Variants in PHKA1 observed in about 807,000 individuals in gnomAD.
The protein encoded by PHKA1 is phosphorylase b kinase regulatory subunit alpha, skeletal muscle isoform.
In PHKA1, 60 loss-of-function variants were observed where a neutral mutation model predicts 110.2. The ratio of observed to expected loss-of-function variants is 0.54; its 90% CI spans 0.44 to 0.68. PHKA1 has a LOEUF of 0.68. Ranked by LOEUF, PHKA1 falls within the 30% of genes least tolerant of loss-of-function variation. PHKA1 has a pLI of 0.00. For synonymous variants in PHKA1, 316 were observed against 333.6 expected, an observed-to-expected ratio of 0.95 and a Z score of 0.58; for missense variants, 801 against 942.5, an observed-to-expected ratio of 0.85 and a Z score of 1.97.
Position 72,652,559 on chromosome X carries a change from T to G in PHKA1, c.1230A>C (p.Gly410=), listed in dbSNP as rs1556299496. The G allele has an allele frequency of 8.6e-7, 1 of 1,162,225 alleles. No individual in the cohort carries two copies. Residue 410 remains glycine (G), a synonymous_variant, in exon 12 of 32, where the codon GGA becomes GGC. Transcript: ENST00000373542. ...HMWGQSLYIL[G]SLMAEGFLAP... is the part of the protein sequence containing the mutation. Reference sequence around the variant, plus strand: ...TTCCTCTTACCTCTGCCATCAAGCTTCCTAAAATGTATAGAGACTGACCCC... The same window carrying G: ...TTCCTCTTACCTCTGCCATCAAGCTGCCTAAAATGTATAGAGACTGACCCC...
At chrX:72,612,870 A>C (rs1329124658) in intron 21 of PHKA1, among the ~76,000 whole-genome samples, 1 of 111,737 alleles carries the variant, frequency 8.9e-6, no homozygotes, top group East Asian at 2.8e-4. Context: ...TATACAAAGT[A>C]ATAGAGCTCC....
At chrX:72,678,323 C>A (rs2053804604) in intron 5 of PHKA1, among the ~76,000 whole-genome samples, 1 of 111,366 alleles carries the variant, frequency 9.0e-6, no homozygotes, top group Admixed American at 9.5e-5. Context: ...TATGTGCATA[C>A]ACACAAACAC....
chrX:72,591,864 A>T (rs1346228110), intron 29 of PHKA1, among the ~76,000 whole-genome samples: 1 of 112,461 alleles, frequency 8.9e-6, no homozygotes, highest in African/African-American at 3.2e-5. Context: ...CTTTTCTTTG[A>T]ACATAAAGTC....
At chrX:72,684,222 A>G (rs1463293159) in intron 5 of PHKA1, among the ~76,000 whole-genome samples, 4 of 111,891 alleles carry the variant, frequency 3.6e-5, no homozygotes, top group Admixed American at 1.9e-4. Flanking sequence ...TAAGACCACA[A>G]TTTAGCCCAG....
chrX:72,710,131 C>T (rs2054349525), intron 2 of PHKA1, among the ~76,000 whole-genome samples: 1 of 109,331 alleles, frequency 9.1e-6, no homozygotes, highest in Non-Finnish European at 1.9e-5. Flanking sequence ...TAGCCCATTG[C>T]TATTTTTATG....
intron 5 of PHKA1, 27 bp from the exon 6 acceptor site, chrX:72,676,177 T>C (rs782590023): frequency 9.1e-7 from 1 of 1,097,303 alleles, no homozygotes; most frequent in South Asian, 1.9e-5. Context: ...AATATACAAT[T>C]AGCAAGTCAT....
At chrX:72,684,390 T>G (rs781931649) in intron 5 of PHKA1, 108 bp downstream of exon 5, 2 of 538,695 alleles carry the variant, frequency 3.7e-6, no homozygotes, top group Non-Finnish European at 6.5e-6. Flanking sequence ...AGAAGCCTTT[T>G]AGGTTGGTTC....
At chrX:72,625,066 A>G (rs1233844950) in intron 17 of PHKA1, among the ~76,000 whole-genome samples, 1 of 111,927 alleles carries the variant, frequency 8.9e-6, no homozygotes, top group African/African-American at 3.3e-5. Context: ...TAATTGGGTA[A>G]CTGTTCTTAT....
chrX:72,670,123 G>C (rs938227990), intron 6 of PHKA1, among the ~76,000 whole-genome samples: 3 of 111,964 alleles, frequency 2.7e-5, no homozygotes, highest in Non-Finnish European at 5.6e-5. Flanking sequence ...GCATTTCTCT[G>C]ATGGCCAGTG....
chrX:72,642,901 T>C (rs1205552543), intron 14 of PHKA1, among the ~76,000 whole-genome samples: 1 of 112,000 alleles, frequency 8.9e-6, no homozygotes, highest in Non-Finnish European at 1.9e-5. Context: ...ATTCTAATCA[T>C]GTTATATTTG....
At chrX:72,612,494 G>T (rs1383555979) in intron 21 of PHKA1, among the ~76,000 whole-genome samples, 4 of 112,062 alleles carry the variant, frequency 3.6e-5, no homozygotes, top group Non-Finnish European at 1.9e-5. Context: ...TCGAGTTCTG[G>T]TTTACTTGCA....
At chrX:72,618,616 G>T (rs1406208046) in intron 21 of PHKA1, 94 bp downstream of exon 21, 7 of 737,053 alleles carry the variant, frequency 9.5e-6, no homozygotes, top group Non-Finnish European at 1.5e-5. Context: ...TTCAATTCCA[G>T]ATCAGCGAAA....
chrX:72,704,592 T>C (rs1254511569), intron 3 of PHKA1, among the ~76,000 whole-genome samples: 1 of 110,332 alleles, frequency 9.1e-6, no homozygotes, highest in Non-Finnish European at 1.9e-5. Context: ...TGTGTGTGTG[T>C]GCATTTTGTT....
At chrX:72,612,786 G>A (rs1556262804) in intron 21 of PHKA1, among the ~76,000 whole-genome samples, 1 of 111,960 alleles carries the variant, frequency 8.9e-6, no homozygotes, top group Non-Finnish European at 1.9e-5. Flanking sequence ...GATGAGTTCT[G>A]TGTTCCCTTC....
At chrX:72,606,395 C>T (rs1179173632) in intron 23 of PHKA1, among the ~76,000 whole-genome samples, 1 of 110,257 alleles carries the variant, frequency 9.1e-6, no homozygotes, top group Non-Finnish European at 1.9e-5. Context: ...CACACATCCT[C>T]ACACACTTCT....
intron 5 of PHKA1, among the ~76,000 whole-genome samples, chrX:72,682,399 C>G (rs1403691768): frequency 1.8e-5 from 2 of 113,145 alleles, no homozygotes; most frequent in Non-Finnish European, 3.8e-5. Flanking sequence ...CGCCTCTGCC[C>G]GGCCACCACC....
intron 14 of PHKA1, among the ~76,000 whole-genome samples, chrX:72,639,603 T>C (rs72630057): frequency 9.0e-6 from 1 of 111,439 alleles, no homozygotes; most frequent in Non-Finnish European, 1.9e-5. Flanking sequence ...GTCAAAGACA[T>C]GTGCATTACA....
chrX:72,712,722 C>T (rs2054401173), intron 2 of PHKA1, 57 bp downstream of exon 2: 1 of 1,104,607 alleles, frequency 9.1e-7, no homozygotes, highest in South Asian at 1.9e-5. Flanking sequence ...CCCCACTCTG[C>T]CCCCAACCCC....
In PHKA1 at chrX:72,608,674, G is replaced by T. The variant is rs150873747; in HGVS notation, c.2606+950C>A. The stretch of plus-strand genomic sequence containing the variant: ...TCATGGACATAAACCAGGAAGGAAG[G>T]AGTATGCAGACATCAGCAAAAGTAT... On this transcript the variant is annotated intron_variant, in intron 23 of 31. Transcript: ENST00000373542. Among the ~76,000 whole-genome samples the T allele has an allele frequency of 3.3e-3, 362 of 111,339 alleles. 1 individual carries two copies. Among genetic ancestry groups the T allele is most frequent in the African/African-American group, 0.011 (349 of 30,654 alleles).
Sources: gnomAD v4.1 joint callset for allele counts (sites outside exome capture counted in the v4.1 genomes callset) on GRCh38, gnomAD v4.1.1 for gene constraint, MANE v1.5 for transcripts, NCBI Gene and HGNC (gene_info 2026-07-23, HGNC 2026-07-21) for gene names.